The following AXL variants were observed in gnomAD, a reference collection of about 807,000 sequenced individuals.
AXL encodes the protein tyrosine-protein kinase receptor UFO.
In AXL, 52 loss-of-function variants were observed where a neutral mutation model predicts 104.5. The observed-to-expected ratio is 0.50, with a 90% CI of 0.40 to 0.63. The LOEUF (loss-of-function observed/expected upper bound fraction) is 0.63. Among genes scored for constraint, AXL ranks in the 20% least tolerant of loss-of-function variants. The probability of loss-of-function intolerance (pLI) is 0.00; values close to 1 mark genes in which losing one functional copy is unlikely to be tolerated. For synonymous variants in AXL, 455 were observed against 473.7 expected, an observed-to-expected ratio of 0.96 and a Z score of 0.51; for missense variants, 1,024 against 1,188.5, an observed-to-expected ratio of 0.86 and a Z score of 2.04.
intron 9 of AXL, 139 bp downstream of exon 9, chr19:41,239,453 C>CT (rs1380014386): frequency 1.5e-6 from 2 of 1,300,418 alleles, no homozygotes; most frequent in Non-Finnish European, 2.1e-6. Flanking sequence ...CCCTCACTCC[C>CT]TTACCCATGC....
chr19:41,221,996 G>A lies in AXL; in HGVS notation c.526G>A (p.Asp176Asn), dbSNP rs2122199458. 1 of 1,609,200 alleles carries A rather than the reference G, an allele frequency of 6.2e-7. No individual in the cohort carries two copies. The highest frequency in any genetic ancestry group is 8.5e-7 in the Non-Finnish European group (1 of 1,178,178). ...PEPVDLLWLQ[D>N]AVPLATAPGH... ...GCCCGTGGACCTACTCTGGCTCCAG[G>A]ATGCTGTCCCCCTGGCCACGGCTCC... The change falls in exon 4 of 20, where the codon GAT becomes AAT. Residue 176 changes from aspartate (D) to asparagine (N), a missense_variant. Transcript: ENST00000301178.
At chr19:41,222,093 G>T in intron 4 of AXL, 37 bp downstream of exon 4, 1 of 1,475,498 alleles carries the variant, frequency 6.8e-7, no homozygotes. Context: ...CGAATAGGGG[G>T]CCGGGCAGGG....
chr19:41,252,527 G>T, intron 15 of AXL, 84 bp downstream of exon 15: 1 of 1,476,566 alleles, frequency 6.8e-7, no homozygotes, highest in South Asian at 1.2e-5. Flanking sequence ...GCCCTGGGAA[G>T]ATCAAACTTC....
intron 9 of AXL, 120 bp from the exon 10 acceptor site, chr19:41,239,574 C>T: frequency 7.8e-7 from 1 of 1,282,614 alleles, no homozygotes; most frequent in Non-Finnish European, 1.1e-6. Context: ...CAAACCTTCA[C>T]TCCCTTACTC....
rs758579648 is a variant in AXL at position 41,259,599 on chromosome 19, C to T, written c.2380C>T (p.Pro794Ser). The T allele has an allele frequency of 1.2e-6, 2 of 1,613,520 alleles. No homozygotes were observed. Among genetic ancestry groups the T allele is most frequent in the South Asian group, 2.2e-5 (2 of 91,026 alleles). ...RCWELNPQDR[P>S]SFTELREDLE... ...CTGGGAGCTAAATCCCCAGGACCGG[C>T]CAAGTTTTACAGAGCTGCGGGAAGA... Residue 794 changes from proline (P) to serine (S), a missense_variant, in exon 20 of 20, where the codon CCA becomes TCA. Around this residue, in one of 5 missense-constraint regions of AXL, gnomAD observed 523 missense variants for 636.0 expected, o/e 0.82. Coordinates refer to ENST00000301178, the MANE Select transcript of AXL (RefSeq NM_021913.5).
At chr19:41,240,779 A>T (rs1415831737) in intron 10 of AXL, among the ~76,000 whole-genome samples, 1 of 152,120 alleles carries the variant, frequency 6.6e-6, no homozygotes, top group Non-Finnish European at 1.5e-5. Context: ...CACACCTTGT[A>T]TGCACTTACC....
At chr19:41,223,833 T>C (rs142398254) in intron 4 of AXL, among the ~76,000 whole-genome samples, 357 of 151,974 alleles carry the variant, frequency 2.3e-3, no homozygotes, top group African/African-American at 8.1e-3. Context: ...TGAGGATCTG[T>C]GCATGTCTGT....
At chr19:41,253,806 C>T (rs901182753) in intron 17 of AXL, 98 bp downstream of exon 17, 24 of 991,508 alleles carry the variant, frequency 2.4e-5, no homozygotes, top group African/African-American at 6.4e-5. Context: ...GCTAGACACC[C>T]GCTGAGGGCA....
At chr19:41,257,753 C>CTCAGTGAATGCAAGTGATT in intron 19 of AXL, 124 bp downstream of exon 19, 1 of 1,266,474 alleles carries the variant, frequency 7.9e-7, no homozygotes, top group Non-Finnish European at 1.1e-6. Flanking sequence ...GCTGAGTGAC[C>CTCAGTGAATGCAAGTGATT]CACTTGCCCC....
intron 11 of AXL, 105 bp from the exon 12 acceptor site, chr19:41,243,511 G>C (rs2034218610): frequency 1.1e-6 from 1 of 881,274 alleles, no homozygotes; most frequent in Admixed American, 1.7e-5. Context: ...TTAGCACAGA[G>C]GGCAGGCAGG....
At chr19:41,245,033 C>T (rs945051790) in intron 12 of AXL, among the ~76,000 whole-genome samples, 7 of 151,682 alleles carry the variant, frequency 4.6e-5, no homozygotes, top group Non-Finnish European at 7.4e-5. Flanking sequence ...TGGATTCAAG[C>T]GACTCTCCTG....
intron 6 of AXL, among the ~76,000 whole-genome samples, chr19:41,231,702 G>A (rs535172029): frequency 3.3e-5 from 5 of 152,184 alleles, no homozygotes; most frequent in South Asian, 2.1e-4. Context: ...CGAGGTGGGC[G>A]GATCACTTGA....
intron 10 of AXL, among the ~76,000 whole-genome samples, chr19:41,241,224 T>C (rs1173969430): frequency 1.3e-5 from 2 of 152,168 alleles, no homozygotes; most frequent in Non-Finnish European, 2.9e-5. Context: ...TGGATATTTA[T>C]TTCACCCTCA....
rs927023299 is a variant in AXL at position 41,221,232 on chromosome 19, A to G, written c.395A>G (p.Tyr132Cys). Residue 132 changes from tyrosine to cysteine, a missense_variant, in exon 3 of 20, where the codon TAT (tyrosine) becomes TGT (cysteine). Tyr to Cys is a radical substitution (Grantham distance 194). Around this residue, in one of 5 missense-constraint regions of AXL, gnomAD observed 41 missense variants for 76.2 expected, o/e 0.54. Coordinates refer to ENST00000301178, the MANE Select transcript of AXL (RefSeq NM_021913.5). ...GHQTFVSQPG[Y>C]VGLEGLPYFL... ...CAGACCTTCGTGTCCCAGCCTGGCT[A>G]TGTTGGGCTGGAGGGTGAGCTCTGG... The G allele has an allele frequency of 1.9e-6, 3 of 1,613,714 alleles. No individual in the cohort carries two copies. The highest frequency in any genetic ancestry group is 1.7e-5 in the Admixed American group (1 of 59,974).
intron 4 of AXL, among the ~76,000 whole-genome samples, chr19:41,223,405 G>A (rs946612753): frequency 6.6e-6 from 1 of 152,190 alleles, no homozygotes; most frequent in African/African-American, 2.4e-5. Flanking sequence ...AGGAAGGACC[G>A]AGCTCAGGGT....
At position 41,243,661 on chromosome 19, in the gene AXL, G is replaced by T; in HGVS notation, c.1491G>T (p.Arg497Ser). ...PTVERGELVV[R>S]YRVRKSYSRR... ...TGGAAAGAGGTGAACTGGTAGTCAG[G>T]TACCGCGTGCGCAAGTCCTACAGTC... Residue 497 changes from arginine to serine, a missense_variant, in exon 12 of 20, where the codon AGG becomes AGT. Transcript: ENST00000301178. 1.2e-6 allele frequency: 2 copies of T among 1,614,084 alleles called. No homozygotes were observed. The highest frequency in any genetic ancestry group is 1.7e-6 in the Non-Finnish European group (2 of 1,180,008).
chr19:41,248,508 A>C lies in AXL; in HGVS notation c.1538-6A>C, dbSNP rs761922840. 1.9e-6 allele frequency: 3 copies of C among 1,614,190 alleles called. No individual in the cohort carries two copies. In the South Asian group the frequency reaches 3.3e-5, roughly 18 times the overall value. The stretch of plus-strand genomic sequence containing the variant: ...ATGACTCTGTCCACCCCAACCTTGC[A>C]TGCAGTGAACAGCCTGGGCATCAGT... On this transcript the variant is annotated splice_polypyrimidine_tract_variant and splice_region_variant and intron_variant, in intron 12 of 19. Transcript: ENST00000301178.
intron 17 of AXL, among the ~76,000 whole-genome samples, chr19:41,254,827 T>C (rs2034428034): frequency 6.6e-6 from 1 of 152,158 alleles, no homozygotes; most frequent in Non-Finnish European, 1.5e-5. Flanking sequence ...GGTGGAAGGA[T>C]TGCTAGAGCC....
In AXL at chr19:41,221,369, C is replaced by T. The variant is rs551722346; in HGVS notation, c.409+123C>T. 33 of 788,760 alleles carry T rather than the reference C, an allele frequency of 4.2e-5. No individual in the cohort carries two copies. In the Admixed American group the frequency reaches 6.5e-4, roughly 16 times the overall value. The allele number at this position is 788,760 out of a possible 1,614,324, so 48.9% of individuals were successfully genotyped here. On this transcript the variant is annotated intron_variant, in intron 3 of 19. Transcript: ENST00000301178. ...GCTGGAGGATTCAGGATGAACCTAG[C>T]GTCATACAGCCTAAGAATGTCAGAG...
Sources: gnomAD v4.1 joint callset for allele counts (sites outside exome capture counted in the v4.1 genomes callset) on GRCh38, gnomAD v4.1.1 for gene constraint, gnomAD v4.1.1 regional missense constraint, MANE v1.5 for transcripts, NCBI Gene and HGNC (gene_info 2026-07-23, HGNC 2026-07-21) for gene names.